GALNT18: variants seen among roughly 807,000 people sequenced by gnomAD.
The protein encoded by GALNT18 is GalNAc-transferase 18.
GALNT18 carries 44 observed loss-of-function variants against 69.5 expected under a neutral mutation model. The observed-to-expected ratio is 0.63, with a 90% confidence interval of 0.50 to 0.81. GALNT18 has a LOEUF of 0.81. Among genes scored for constraint, GALNT18 ranks in the 40% least tolerant of loss-of-function variants. GALNT18 has a pLI of 0.00. For synonymous variants in GALNT18, 364 were observed against 318.2 expected (o/e 1.14, Z -1.53); for missense variants, 715 against 810.0 (o/e 0.88, Z 1.42).
At chr11:11,291,809 C>T (rs951898830) in intron 10 of GALNT18, among the ~76,000 whole-genome samples, 1 of 152,194 alleles carries the variant, frequency 6.6e-6, no homozygotes, top group African/African-American at 2.4e-5. Context: ...GAACTTCCAG[C>T]TCAGTATTGA....
At chr11:11,326,041 C>CT (rs34393732) in intron 9 of GALNT18, among the ~76,000 whole-genome samples, 6,697 of 105,406 alleles carry the variant, frequency 0.064, 315 homozygotes, top group East Asian at 0.14. Context: ...TGCTAAATAT[C>CT]TTTTTTTTTT....
rs972962920 is a variant in GALNT18, at chr11:11,591,379, G to A, written c.235+29980C>T. Among the ~76,000 whole-genome samples the A allele has an allele frequency of 2.0e-5, 3 of 152,112 alleles. No homozygotes were observed. The highest frequency in any genetic ancestry group is 7.2e-5 in the African/African-American group (3 of 41,388). On this transcript the variant is annotated intron_variant, in intron 1 of 10. Transcript: ENST00000227756. This position sits in a 1 kb window ranked among gnomAD's most constrained non-coding sequence, Gnocchi z 4.8. ...TGTGATACATGACTGTATAGATAAA[G>A]CATCTAACACGGTCCTTGGCTCATG...
intron 6 of GALNT18, among the ~76,000 whole-genome samples, chr11:11,346,735 A>G (rs2133062507): frequency 6.6e-6 from 1 of 152,258 alleles, no homozygotes. Context: ...GAGAACAGTT[A>G]CCTGGGGCAG....
chr11:11,321,470 A>C (rs1849837690), intron 9 of GALNT18, among the ~76,000 whole-genome samples: 1 of 152,244 alleles, frequency 6.6e-6, no homozygotes, highest in African/African-American at 2.4e-5. Context: ...GATTAAGGTG[A>C]TGTTGCAATT....
chr11:11,471,120 C>T (rs1033258975), intron 1 of GALNT18, among the ~76,000 whole-genome samples: 1 of 152,128 alleles, frequency 6.6e-6, no homozygotes, highest in Admixed American at 6.6e-5. Flanking sequence ...CTCATTTCCC[C>T]CACTTGCTTC....
chr11:11,445,691 C>T (rs1453568739), intron 2 of GALNT18, among the ~76,000 whole-genome samples: 1 of 152,206 alleles, frequency 6.6e-6, no homozygotes, highest in Admixed American at 6.5e-5. Flanking sequence ...GTTAAAGCCA[C>T]TTTCACAGAG....
At chr11:11,551,658 C>A (rs1205462433) in intron 1 of GALNT18, among the ~76,000 whole-genome samples, 1 of 152,142 alleles carries the variant, frequency 6.6e-6, no homozygotes, top group African/African-American at 2.4e-5. Context: ...ATTTTCTGGG[C>A]TGCAATAAGA....
At chr11:11,474,831 A>G (rs1202628043) in intron 1 of GALNT18, among the ~76,000 whole-genome samples, 1 of 152,210 alleles carries the variant, frequency 6.6e-6, no homozygotes, top group Non-Finnish European at 1.5e-5. Flanking sequence ...AGATGAGATA[A>G]CATATATGTA....
At chr11:11,479,620 C>G (rs1019985763) in intron 1 of GALNT18, among the ~76,000 whole-genome samples, 1 of 151,990 alleles carries the variant, frequency 6.6e-6, no homozygotes, top group African/African-American at 2.4e-5. Context: ...TACTTTGATA[C>G]AATTCAAAAA....
At chr11:11,427,805 C>T (rs1440745306) in intron 3 of GALNT18, among the ~76,000 whole-genome samples, 1 of 152,166 alleles carries the variant, frequency 6.6e-6, no homozygotes, top group Non-Finnish European at 1.5e-5. Context: ...TTTTAAGTCA[C>T]CCTTGGCACC....
intron 1 of GALNT18, among the ~76,000 whole-genome samples, chr11:11,532,902 C>T (rs1857687275): frequency 6.6e-6 from 1 of 152,220 alleles, no homozygotes; most frequent in South Asian, 2.1e-4. Flanking sequence ...CTGATGGAAA[C>T]TAAAATGCCA....
chr11:11,398,158 G>C (rs962486504), intron 3 of GALNT18, among the ~76,000 whole-genome samples: 7 of 152,334 alleles, frequency 4.6e-5, no homozygotes, highest in Admixed American at 4.6e-4. Context: ...ATGTGTTCAA[G>C]ATTGCACACT....
At chr11:11,476,432 G>A (rs1856399408) in intron 1 of GALNT18, 1 of 152,120 alleles carries the variant, frequency 6.6e-6, no homozygotes, top group African/African-American at 2.4e-5. Context: ...ACATTCAGAA[G>A]GCAGAAATTT....
chr11:11,424,650 C>T (rs1855086661), intron 3 of GALNT18, among the ~76,000 whole-genome samples: 1 of 152,166 alleles, frequency 6.6e-6, no homozygotes, highest in East Asian at 1.9e-4. Context: ...ACCTAAACTA[C>T]TCACTGTAAT....
rs1860109940 is a variant in GALNT18 at position 11,618,406 on chromosome 11, A to G, written c.235+2953T>C. ...GGACTGTCCTGCATGTTCAGTAAAC[A>G]TTAGTTAAAGGACTGGAACCTCTGC... is the stretch of plus-strand genomic sequence containing the variant. On this transcript the variant is annotated intron_variant, in intron 1 of 10. Transcript: ENST00000227756. The surrounding 1 kb of genome is among the most constrained non-coding windows in gnomAD (Gnocchi z 6.1). Among the ~76,000 whole-genome samples the G allele has an allele frequency of 6.6e-6, 1 of 152,242 alleles. No individual in the cohort carries two copies. The highest frequency in any genetic ancestry group is 1.5e-5 in the Non-Finnish European group (1 of 68,034).
intron 1 of GALNT18, among the ~76,000 whole-genome samples, chr11:11,575,080 T>C (rs1168422218): frequency 6.6e-6 from 1 of 152,212 alleles, no homozygotes; most frequent in Non-Finnish European, 1.5e-5. Context: ...GAGGTTTATT[T>C]AAGCCAGTCT....
chr11:11,464,008 A>G (rs1856104907), intron 1 of GALNT18, among the ~76,000 whole-genome samples: 1 of 152,192 alleles, frequency 6.6e-6, no homozygotes, highest in Non-Finnish European at 1.5e-5. Flanking sequence ...GGAAGGAGGC[A>G]GTCCCGGCCT....
chr11:11,579,544 C>A (rs1859022080), intron 1 of GALNT18, among the ~76,000 whole-genome samples: 1 of 152,184 alleles, frequency 6.6e-6, no homozygotes, highest in African/African-American at 2.4e-5. Flanking sequence ...AGGCCTCTAG[C>A]CTCTGGAACC....
intron 1 of GALNT18, among the ~76,000 whole-genome samples, chr11:11,501,466 A>G (rs1328957515): frequency 6.6e-6 from 1 of 152,224 alleles, no homozygotes; most frequent in Admixed American, 6.5e-5. Flanking sequence ...TTAAGGCATC[A>G]GAGGTGATTC....
Sources: gnomAD v4.1 joint callset for allele counts (sites outside exome capture counted in the v4.1 genomes callset) on GRCh38, gnomAD v4.1.1 for gene constraint, Gnocchi (gnomAD v3.1) non-coding constraint, MANE v1.5 for transcripts, NCBI Gene and HGNC (gene_info 2026-07-23, HGNC 2026-07-21) for gene names.